Variants in MED24 observed in about 807,000 individuals in gnomAD.
MED24 encodes mediator of RNA polymerase II transcription subunit 24.
MED24 carries 74 observed loss-of-function variants against 118.8 expected under a neutral mutation model. That is an observed-to-expected ratio of 0.62 (90% CI 0.52 to 0.76). The LOEUF (loss-of-function observed/expected upper bound fraction) is 0.76. Ranked by LOEUF, MED24 falls within the 30% of genes least tolerant of loss-of-function variation. The pLI is 0.00. For synonymous variants in MED24, 521 were observed against 523.9 expected (o/e 0.99, Z 0.08); for missense variants, 1,041 against 1,278.9 (o/e 0.81, Z 2.84).
chr17:40,034,759 A>G (rs980581508), intron 6 of MED24, among the ~76,000 whole-genome samples: 1 of 152,110 alleles, frequency 6.6e-6, no homozygotes, highest in Non-Finnish European at 1.5e-5. Context: ...CTTGTCCTCT[A>G]GTTTTTTCCT....
intron 19 of MED24, 121 bp from the exon 20 acceptor site, chr17:40,023,516 T>A: frequency 9.7e-7 from 1 of 1,032,218 alleles, no homozygotes; most frequent in Non-Finnish European, 1.4e-6. Context: ...CCTGAGGCAT[T>A]AACCCAGTTT....
Position 40,022,004 on chromosome 17 carries a change from C to T in MED24, c.2574G>A (p.Met858Ile). 4.3e-6 allele frequency: 7 copies of T among 1,612,038 alleles called. No individual in the cohort carries two copies. The highest frequency in any genetic ancestry group is 1.3e-5 in the African/African-American group (1 of 74,956). Residue 858 changes from methionine (M) to isoleucine (I), a missense_variant, in exon 23 of 26, where the codon ATG becomes ATA. By Grantham distance (10) the Met-to-Ile change is conservative. Around this residue, in one of 3 missense-constraint regions of MED24, gnomAD observed 587 missense variants for 694.4 expected, o/e 0.85. Transcript: ENST00000394128. ...PLDDVQPSKL[M>I]RLLSSNEDDA... is the part of the protein sequence containing the mutation. ...CGTCCTCATTAGAGCTCAGCAGTCG[C>T]ATCAACTTCGAAGGCTGCACATCGT...
intron 18 of MED24, 116 bp from the exon 19 acceptor site, chr17:40,026,447 C>T (rs747280064): frequency 7.6e-7 from 1 of 1,321,774 alleles, no homozygotes; most frequent in Non-Finnish European, 1.1e-6. Context: ...GGCCACATTC[C>T]ACACCTCTCT....
intron 24 of MED24, 101 bp downstream of exon 24, chr17:40,020,172 A>G (rs909722454): frequency 8.2e-7 from 1 of 1,213,928 alleles, no homozygotes; most frequent in African/African-American, 1.5e-5. Flanking sequence ...AGGGAGGGGC[A>G]CCGCAAGGCC....
chr17:40,028,143 T>C, intron 14 of MED24, 197 bp from the exon 15 acceptor site: 1 of 540,752 alleles, frequency 1.8e-6, no homozygotes, highest in Non-Finnish European at 3.3e-6. Flanking sequence ...TGAGAAAGAG[T>C]CTCGCTCTGT....
intron 6 of MED24, 125 bp downstream of exon 6, chr17:40,034,992 G>A: frequency 6.2e-7 from 1 of 1,612,098 alleles, no homozygotes; most frequent in Non-Finnish European, 8.5e-7. Flanking sequence ...AGAAAAAAAA[G>A]GAAGTGGGAT....
At position 40,053,663 on chromosome 17, in the gene MED24, G is replaced by T. The variant is rs1396805091; in HGVS notation, c.-37-28C>A. On this transcript the variant is annotated intron_variant, in intron 1 of 25. Transcript: ENST00000394128. ...TTGAGGTGAAAGAAATGGAGCTAAA[G>T]AAAAGGACATGAGGTTCTAAGGAGA... 4 of 1,611,802 alleles carry T rather than the reference G, an allele frequency of 2.5e-6. No homozygotes were observed. In the African/African-American group the frequency reaches 5.3e-5, roughly 22 times the overall value.
chr17:40,049,326 C>T (rs975067990), intron 3 of MED24, among the ~76,000 whole-genome samples: 4 of 152,162 alleles, frequency 2.6e-5, no homozygotes, highest in African/African-American at 9.7e-5. Context: ...ATGCTTTTCT[C>T]TGCTTTGCAC....
chr17:40,020,631 A>G, intron 23 of MED24: 4 of 480,436 alleles, frequency 8.3e-6, no homozygotes, highest in Non-Finnish European at 1.5e-5. Flanking sequence ...TACAAAAAAT[A>G]CAAAAATTAG....
chr17:40,021,211 C>A (rs1981956746), intron 23 of MED24: 1 of 152,490 alleles, frequency 6.6e-6, no homozygotes. Context: ...GATCTTGGTA[C>A]TTCCTAAGCT....
intron 22 of MED24, 53 bp downstream of exon 22, chr17:40,022,340 GC>G: frequency 6.6e-7 from 1 of 1,522,988 alleles, no homozygotes; most frequent in Non-Finnish European, 9.0e-7. Context: ...CTTAGGAAAT[GC>G]TGTAACAAAC....
intron 3 of MED24, 53 bp downstream of exon 3, chr17:40,053,245 G>GT (rs1162578949): frequency 4.0e-6 from 6 of 1,517,152 alleles, no homozygotes; most frequent in Admixed American, 2.0e-5. Context: ...TGCACTCCAA[G>GT]TTTTTTACCC....
Position 40,028,964 on chromosome 17 carries a change from A to G in MED24, c.1271T>C (p.Met424Thr). Residue 424 changes from methionine (M) to threonine (T), a missense_variant, in exon 14 of 26, where the codon ATG becomes ACG. Transcript: ENST00000394128. ...CGGTGACTTAGAGTGGTCTGCATCC[A>G]TCGTCTGGGGACAGGACAGGAAATC... Reference protein sequence around the residue: ...EPTVTNILKTMDADHSKSPEG... With the variant: ...EPTVTNILKTTDADHSKSPEG... The G allele has an allele frequency of 6.2e-7, 1 of 1,614,208 alleles. No individual in the cohort carries two copies. Among genetic ancestry groups the G allele is most frequent in the Non-Finnish European group, 8.5e-7 (1 of 1,180,036 alleles).
Position 40,022,394 on chromosome 17 carries a change from C to G in MED24, c.2523G>C (p.Glu841Asp). Residue 841 changes from glutamate to aspartate, a missense_variant and splice_region_variant, in exon 22 of 26, where the codon GAG (glutamate) becomes GAC (aspartate). Glu to Asp is a conservative substitution (Grantham distance 45, BLOSUM62 2). Coordinates refer to ENST00000394128, the MANE Select transcript of MED24 (RefSeq NM_014815.4). ...RQKKRHREDI[E>D]DYISLFPLDD... ...CGGCGAGGGCAGCTGGGGGGCCTAC[C>G]TCAATGTCTTCGCGGTGTCTCTTCT... 2 of 1,606,930 alleles carry G rather than the reference C, an allele frequency of 1.2e-6. No homozygotes were observed. Among genetic ancestry groups the G allele is most frequent in the East Asian group, 4.5e-5 (2 of 44,654 alleles).
In MED24 at chr17:40,019,443, G is replaced by C; in HGVS notation, c.*86C>G. On this transcript the variant is annotated 3_prime_UTR_variant, in exon 26 of 26. Transcript: ENST00000394128. Reference sequence around the variant, plus strand: ...ACCATGTGGAGCGGATGTGAGGCACGATGCCTCATCTTTCCTCACTGCTTC... The same window carrying C: ...ACCATGTGGAGCGGATGTGAGGCACCATGCCTCATCTTTCCTCACTGCTTC... 1 of 1,121,688 alleles carries C rather than the reference G, an allele frequency of 8.9e-7. No individual in the cohort carries two copies. The highest frequency in any genetic ancestry group is 1.3e-6 in the Non-Finnish European group (1 of 758,324). The allele number at this position is 1,121,688 out of a possible 1,614,324, so 69.5% of individuals were successfully genotyped here.
At chr17:40,031,965 T>C in intron 10 of MED24, 78 bp downstream of exon 10, 12 of 1,490,966 alleles carry the variant, frequency 8.0e-6, no homozygotes, top group South Asian at 2.3e-5. Context: ...ATGAGAACAC[T>C]GCCCAGCTGG....
rs965229195 is a variant in MED24, at chr17:40,019,741, C to T, written c.2853+44G>A. ...CCCCTCCCTGCTCTAAGGGCTGCCC[C>T]GAGGCCCCAGCACCAGCAGGAGAGC... On this transcript the variant is annotated intron_variant, in intron 25 of 25. Transcript: ENST00000394128. The T allele has an allele frequency of 4.4e-6, 7 of 1,604,158 alleles. No individual in the cohort carries two copies. The South Asian group carries it at 4.5e-5, about 10-fold the overall frequency.
chr17:40,046,069 G>T lies in MED24; in HGVS notation c.213+7229C>A, dbSNP rs1287607591. Among the ~76,000 whole-genome samples, 6 of 148,846 alleles carry T rather than the reference G, an allele frequency of 4.0e-5. No individual in the cohort carries two copies. In the East Asian group the frequency reaches 1.2e-3, roughly 30 times the overall value. On this transcript the variant is annotated intron_variant, in intron 3 of 25. Coordinates refer to ENST00000394128, the MANE Select transcript of MED24 (RefSeq NM_014815.4). The stretch of plus-strand genomic sequence containing the variant: ...TGGGATTACAGGCGTGAGCCATCAC[G>T]CCCAGCCTCTAAAAAAAATTTTTTT...
At chr17:40,051,610 CTCAA>C (rs1485987466) in intron 3 of MED24, among the ~76,000 whole-genome samples, 3 of 148,566 alleles carry the variant, frequency 2.0e-5, no homozygotes, top group African/African-American at 7.5e-5. Flanking sequence ...GAAACTCTGC[CTCAA>C]TCAATCAATC....
Sources: allele counts gnomAD v4.1 joint callset (sites outside exome capture counted in the v4.1 genomes callset), GRCh38; gene constraint gnomAD v4.1.1; regional missense constraint gnomAD v4.1.1; transcripts MANE v1.5; gene names NCBI Gene and HGNC (gene_info 2026-07-23, HGNC 2026-07-21).